Variants in AMBRA1 observed in about 807,000 individuals in gnomAD.
AMBRA1 encodes the protein autophagy and beclin 1 regulator 1, also known as activating molecule in BECN1-regulated autophagy protein 1.
AMBRA1 carries 47 observed loss-of-function variants against 125.4 expected under a neutral mutation model. The observed-to-expected ratio is 0.37, with a 90% CI of 0.30 to 0.48. The LOEUF (loss-of-function observed/expected upper bound fraction) is 0.48, where lower values mean the gene tolerates loss of function less well. AMBRA1 is among the 20% of genes least tolerant of loss of function. The probability of loss-of-function intolerance (pLI) is 0.99; values close to 1 mark genes in which losing one functional copy is unlikely to be tolerated. For synonymous variants in AMBRA1, 626 were observed against 655.5 expected (o/e 0.95, Z 0.69); for missense variants, 1,331 against 1,693.4 (o/e 0.79, Z 3.76).
chr11:46,430,294 A>G (rs1046578044), intron 14 of AMBRA1, among the ~76,000 whole-genome samples: 8 of 152,218 alleles, frequency 5.3e-5, no homozygotes, highest in Non-Finnish European at 8.8e-5. Flanking sequence ...CATAATTAGC[A>G]AAGAATCAAA....
chr11:46,409,805 C>T (rs111513238), intron 16 of AMBRA1, among the ~76,000 whole-genome samples: 19 of 152,358 alleles, frequency 1.2e-4, no homozygotes, highest in African/African-American at 3.8e-4. Flanking sequence ...AACAACCCAG[C>T]GCTTTGTTCC....
At chr11:46,402,447 C>T (rs1031599147) in intron 17 of AMBRA1, among the ~76,000 whole-genome samples, 2 of 152,082 alleles carry the variant, frequency 1.3e-5, no homozygotes, top group South Asian at 2.1e-4. Flanking sequence ...CTACAACCTC[C>T]GCCTCCCAGG....
In AMBRA1 at chr11:46,397,246, G is replaced by A. The variant is rs762402757; in HGVS notation, c.*204C>T. 6.1e-4 allele frequency: 352 copies of A among 574,100 alleles called. 1 individual carries two copies. The highest frequency in any genetic ancestry group is 8.5e-4 in the Non-Finnish European group (325 of 381,698). 35.6% of individuals were successfully genotyped at this position (574,100 alleles called of 1,614,324 possible). ...GTGGCTCTCCCGGGCTCCAGATCCT[G>A]GAAGGTTCTAGTTCCCCGAGGCAGG... On this transcript the variant is annotated 3_prime_UTR_variant, in exon 18 of 18. Transcript: ENST00000683756.
intron 7 of AMBRA1, among the ~76,000 whole-genome samples, chr11:46,513,441 T>C (rs1318322381): frequency 6.6e-6 from 1 of 152,184 alleles, no homozygotes; most frequent in Non-Finnish European, 1.5e-5. Flanking sequence ...GTACATTTTA[T>C]TGAACACTTT....
intron 5 of AMBRA1, 38 bp downstream of exon 5, chr11:46,545,566 T>C (rs552897462): frequency 1.2e-6 from 2 of 1,605,412 alleles, no homozygotes; most frequent in East Asian, 2.2e-5. Flanking sequence ...ATCACGTCAG[T>C]CCTGTGCCAG....
intron 7 of AMBRA1, among the ~76,000 whole-genome samples, chr11:46,521,052 A>T (rs1951740522): frequency 6.6e-6 from 1 of 152,184 alleles, no homozygotes; most frequent in Admixed American, 6.6e-5. Context: ...TGTAATAGGA[A>T]ACCAACAAAT....
chr11:46,591,443 C>CA (rs2044591171), intron 1 of AMBRA1: 1 of 152,086 alleles, frequency 6.6e-6, no homozygotes, highest in African/African-American at 2.4e-5. Context: ...TGACCTCACA[C>CA]AAAAAATTAA....
intron 1 of AMBRA1, among the ~76,000 whole-genome samples, chr11:46,578,295 G>A (rs749746961): frequency 2.4e-4 from 36 of 151,558 alleles, no homozygotes; most frequent in Admixed American, 2.2e-3. Flanking sequence ...GAGACCAGCT[G>A]GGTCAACATG....
chr11:46,419,095 T>C (rs189321482), intron 14 of AMBRA1, among the ~76,000 whole-genome samples: 188 of 152,344 alleles, frequency 1.2e-3, no homozygotes, highest in Non-Finnish European at 2.2e-3. Flanking sequence ...TGCATTAAGA[T>C]GGAGGGAGCG....
intron 10 of AMBRA1, 108 bp downstream of exon 10, chr11:46,494,016 T>C: frequency 9.0e-7 from 1 of 1,107,416 alleles, no homozygotes; most frequent in East Asian, 2.6e-5. Flanking sequence ...ATGGGCCCAC[T>C]AGGAAACAAT....
chr11:46,432,053 G>C (rs942323738), intron 14 of AMBRA1, among the ~76,000 whole-genome samples: 1 of 150,558 alleles, frequency 6.6e-6, no homozygotes, highest in Non-Finnish European at 1.5e-5. Flanking sequence ...ATTTTTTTTT[G>C]AGATTCTCTT....
rs752748864 is a variant in AMBRA1 at position 46,547,822 on chromosome 11, T to G, written c.189A>C (p.Pro63=). 1.2e-6 allele frequency: 2 copies of G among 1,610,622 alleles called. No homozygotes were observed. The highest frequency in any genetic ancestry group is 2.2e-5 in the South Asian group (2 of 90,614). Residue 63 remains proline (P), a synonymous_variant, in exon 3 of 18, where the codon CCA becomes CCC. Coordinates refer to ENST00000683756, the MANE Select transcript of AMBRA1 (RefSeq NM_001387011.1). ...TATAGATAAATACTGAGTACCTGTC[T>G]GGGCTGAAGGCCAATAAGAAGGTAG... ...PRSTFLLAFS[P]DRTLLASTHV... is the part of the protein sequence containing the mutation.
intron 7 of AMBRA1, among the ~76,000 whole-genome samples, chr11:46,534,087 T>C (rs1324734968): frequency 6.7e-6 from 1 of 150,026 alleles, no homozygotes; most frequent in African/African-American, 2.5e-5. Flanking sequence ...ACATTTTTTA[T>C]ACATTTCTCT....
Position 46,541,982 on chromosome 11 carries a change from T to A in AMBRA1, c.2035A>T (p.Met679Leu), listed in dbSNP as rs1325023181. Residue 679 changes from methionine to leucine, a missense_variant, in exon 7 of 18, where the codon ATG becomes TTG. Coordinates refer to ENST00000683756, the MANE Select transcript of AMBRA1 (RefSeq NM_001387011.1). ...TCCTCCTCAGAGCTCTCCTCAGGCA[T>A]ATCCTGATGTAAGGCCTCCTGTGAC... ...TVSQEALHQD[M>L]PEESSEEDSL... The A allele has an allele frequency of 1.2e-6, 2 of 1,613,872 alleles. No individual in the cohort carries two copies. Among genetic ancestry groups the A allele is most frequent in the Non-Finnish European group, 1.7e-6 (2 of 1,179,934 alleles).
chr11:46,516,048 A>T (rs1951465112), intron 7 of AMBRA1, among the ~76,000 whole-genome samples: 1 of 151,004 alleles, frequency 6.6e-6, no homozygotes, highest in Non-Finnish European at 1.5e-5. Flanking sequence ...AGACTTCTTT[A>T]AGTTGGAATA....
rs759152857 is a variant in AMBRA1, at chr11:46,434,995, T to C, written c.2675A>G (p.Asp892Gly). 3 of 1,613,428 alleles carry C rather than the reference T, an allele frequency of 1.9e-6. No individual in the cohort carries two copies. Among genetic ancestry groups the C allele is most frequent in the African/African-American group, 2.7e-5 (2 of 74,910 alleles). ...ATCTGCAGAAATGTCACAGCTGGCA[T>C]CATTGTAGATCTTGCAGTTCTGCAC... ...VLVQNCKIYN[D>G]ASCDISADGQ... is the part of the protein sequence containing the mutation. The change falls in exon 13 of 18, where the codon GAT becomes GGT. Residue 892 changes from aspartate (D) to glycine (G), a missense_variant. By Grantham distance (94) the Asp-to-Gly change is moderately conservative. Around this residue, in one of 4 missense-constraint regions of AMBRA1, gnomAD observed 354 missense variants for 532.7 expected, o/e 0.66. Coordinates refer to ENST00000683756, the MANE Select transcript of AMBRA1 (RefSeq NM_001387011.1).
chr11:46,579,681 A>G lies in AMBRA1; in HGVS notation c.-121+14147T>C, dbSNP rs367763157. Among the ~76,000 whole-genome samples, 12 of 152,286 alleles carry G rather than the reference A, an allele frequency of 7.9e-5. No individual in the cohort carries two copies. In the East Asian group the frequency reaches 2.3e-3, roughly 29 times the overall value. On this transcript the variant is annotated intron_variant, in intron 1 of 17. Transcript: ENST00000683756. The stretch of plus-strand genomic sequence containing the variant: ...CTATCTTCACGGATCTTACTGTCTT[A>G]GAGTATACTTCTTATGAGGAAACAG...
intron 11 of AMBRA1, among the ~76,000 whole-genome samples, chr11:46,447,747 GATAGA>G (rs1948372391): frequency 1.3e-5 from 2 of 151,154 alleles, no homozygotes; most frequent in African/African-American, 4.9e-5. Flanking sequence ...TAGATAGATA[GATAGA>G]TAGATAGATA....
intron 1 of AMBRA1, among the ~76,000 whole-genome samples, chr11:46,590,754 A>G (rs2135348169): frequency 6.6e-6 from 1 of 152,206 alleles, no homozygotes; most frequent in South Asian, 2.1e-4. Flanking sequence ...GAGTGAAAAT[A>G]CAAAAAATTA....
Sources: gnomAD v4.1 joint callset for allele counts (sites outside exome capture counted in the v4.1 genomes callset) on GRCh38, gnomAD v4.1.1 for gene constraint, gnomAD v4.1.1 regional missense constraint, MANE v1.5 for transcripts, NCBI Gene and HGNC (gene_info 2026-07-23, HGNC 2026-07-21) for gene names.